Variants in TENM3 observed in about 807,000 individuals in gnomAD.
TENM3 encodes the protein teneurin transmembrane protein 3.
TENM3 carries 63 observed loss-of-function variants against 255.1 expected under a neutral mutation model. That is an observed-to-expected ratio of 0.25 (90% CI 0.20 to 0.30). The LOEUF (loss-of-function observed/expected upper bound fraction) is 0.30. Ranked by LOEUF, TENM3 falls within the 10% of genes least tolerant of loss-of-function variation. The probability of loss-of-function intolerance (pLI) is 1.00; values close to 1 mark genes in which losing one functional copy is unlikely to be tolerated. For missense variants in TENM3, 2,929 were observed against 3,461.1 expected (o/e 0.85, Z 3.86); for synonymous variants, 1,306 against 1,322.3 (o/e 0.99, Z 0.27).
chr4:182,260,506 A>G (rs1005943283), intron 1 of TENM3, among the ~76,000 whole-genome samples: 4 of 152,220 alleles, frequency 2.6e-5, no homozygotes, highest in Non-Finnish European at 5.9e-5. Context: ...TAGTAAATTT[A>G]TTACCTACTA....
At chr4:182,115,200 C>T in the TENM3 span, among the ~76,000 whole-genome samples, 1 of 152,096 alleles carries the variant, frequency 6.6e-6, no homozygotes, top group Admixed American at 6.5e-5. Context: ...AATAAAATAT[C>T]TACAAACCCT....
At chr4:181,663,045 C>A in the TENM3 span, among the ~76,000 whole-genome samples, 1 of 152,106 alleles carries the variant, frequency 6.6e-6, no homozygotes, top group Non-Finnish European at 1.5e-5. Context: ...CTATTTATTT[C>A]CTGGTCTCCG....
At chr4:182,399,034 T>G (rs1439830331) in intron 3 of TENM3, among the ~76,000 whole-genome samples, 2 of 152,180 alleles carry the variant, frequency 1.3e-5, no homozygotes, top group Non-Finnish European at 2.9e-5. Context: ...GATGGATAAG[T>G]CTGGGCTCTG....
intron 5 of TENM3, among the ~76,000 whole-genome samples, chr4:182,647,736 T>C (rs1031180022): frequency 6.6e-6 from 1 of 152,222 alleles, no homozygotes; most frequent in Non-Finnish European, 1.5e-5. Flanking sequence ...TTCGGGTATG[T>C]AGCCTGAAGT....
intron 6 of TENM3, among the ~76,000 whole-genome samples, chr4:182,659,687 G>C (rs1363791057): frequency 6.6e-6 from 1 of 152,144 alleles, no homozygotes; most frequent in Non-Finnish European, 1.5e-5. Flanking sequence ...CTCTCAGCTG[G>C]ATATGGTAGC....
At chr4:181,756,257 C>T in the TENM3 span, among the ~76,000 whole-genome samples, 1 of 152,170 alleles carries the variant, frequency 6.6e-6, no homozygotes, top group Non-Finnish European at 1.5e-5. Context: ...AGGGTTACCT[C>T]CCTTCTTGCC....
At chr4:182,454,222 A>G (rs1773699451) in intron 3 of TENM3, among the ~76,000 whole-genome samples, 1 of 152,190 alleles carries the variant, frequency 6.6e-6, no homozygotes, top group Non-Finnish European at 1.5e-5. Context: ...TTTATCATTT[A>G]CACATTTTTA....
chr4:182,069,675 A>C, the TENM3 span, among the ~76,000 whole-genome samples: 2 of 120,338 alleles, frequency 1.7e-5, no homozygotes, highest in African/African-American at 6.0e-5. Flanking sequence ...AAATACATAC[A>C]TAGATGCATA....
intron 4 of TENM3, among the ~76,000 whole-genome samples, chr4:182,617,448 G>A (rs1023752941): frequency 3.3e-5 from 5 of 152,098 alleles, no homozygotes; most frequent in Non-Finnish European, 5.9e-5. Flanking sequence ...CCACAAGTGT[G>A]GGATTCATTT....
At chr4:181,501,636 C>T in the TENM3 span, among the ~76,000 whole-genome samples, 1 of 152,104 alleles carries the variant, frequency 6.6e-6, no homozygotes, top group Non-Finnish European at 1.5e-5. Context: ...CCTTGACCTC[C>T]CAAAGTGCTG....
chr4:181,913,123 A>T, the TENM3 span, among the ~76,000 whole-genome samples: 1 of 152,174 alleles, frequency 6.6e-6, no homozygotes, highest in Admixed American at 6.6e-5. Flanking sequence ...ATAGACCGGG[A>T]TGAGCTGTCC....
At chr4:182,169,953 C>T (rs1321526434) in intron 1 of TENM3, among the ~76,000 whole-genome samples, 1 of 151,384 alleles carries the variant, frequency 6.6e-6, no homozygotes, top group Non-Finnish European at 1.5e-5. Context: ...TAAAGTGAAT[C>T]GCTTATAGTT....
chr4:181,885,874 A>T, the TENM3 span, among the ~76,000 whole-genome samples: 9 of 152,206 alleles, frequency 5.9e-5, no homozygotes, highest in African/African-American at 1.9e-4. Flanking sequence ...CAAAGAATAA[A>T]CTTAATATTA....
At chr4:182,561,492 A>G (rs1008487224) in intron 3 of TENM3, among the ~76,000 whole-genome samples, 5 of 150,864 alleles carry the variant, frequency 3.3e-5, no homozygotes, top group Non-Finnish European at 5.9e-5. Context: ...TGGGTAATGG[A>G]TTATGGATAG....
the TENM3 span, among the ~76,000 whole-genome samples, chr4:181,759,612 A>G: frequency 6.6e-6 from 1 of 152,162 alleles, no homozygotes; most frequent in African/African-American, 2.4e-5. Flanking sequence ...AAACTTCCAG[A>G]AATACAACTG....
At chr4:181,906,133 A>T in the TENM3 span, 1 of 319,230 alleles carries the variant, frequency 3.1e-6, no homozygotes. Context: ...GCAATTTGGG[A>T]AGGTGTGTAT....
the TENM3 span, among the ~76,000 whole-genome samples, chr4:181,853,063 C>G: frequency 1.3e-5 from 2 of 152,252 alleles, no homozygotes; most frequent in East Asian, 3.9e-4. Flanking sequence ...CAAAGACAGG[C>G]ATTTATTTTT....
chr4:182,755,412 C>T, intron 22 of TENM3, 153 bp downstream of exon 22: 1 of 713,394 alleles, frequency 1.4e-6, no homozygotes, highest in Non-Finnish European at 2.2e-6. Flanking sequence ...CACGGTGGCT[C>T]ATTCCCGTAG....
intron 3 of TENM3, among the ~76,000 whole-genome samples, chr4:182,442,176 C>T (rs984018651): frequency 6.6e-6 from 1 of 152,094 alleles, no homozygotes; most frequent in South Asian, 2.1e-4. Context: ...TATGTGCATA[C>T]TCATAAATCG....
Sources: allele counts gnomAD v4.1 joint callset (sites outside exome capture counted in the v4.1 genomes callset), GRCh38; gene constraint gnomAD v4.1.1; transcripts MANE v1.5; gene names NCBI Gene and HGNC (gene_info 2026-07-23, HGNC 2026-07-21).